CABIN1: variants seen among roughly 807,000 people sequenced by gnomAD.
CABIN1 encodes the protein calcineurin-binding protein cabin-1.
CABIN1 carries 133 observed loss-of-function variants against 227.7 expected under a neutral mutation model. The observed-to-expected ratio is 0.58, with a 90% CI of 0.51 to 0.67. CABIN1 has a LOEUF of 0.67. Among genes scored for constraint, CABIN1 ranks in the 30% least tolerant of loss-of-function variants. CABIN1 has a pLI of 0.00. For synonymous variants in CABIN1, 1,086 were observed against 1,155.1 expected (o/e 0.94, Z 1.21); for missense variants, 2,408 against 2,852.5 (o/e 0.84, Z 3.55).
At chr22:24,122,430 G>A (rs1338572138) in intron 28 of CABIN1, among the ~76,000 whole-genome samples, 1 of 152,000 alleles carries the variant, frequency 6.6e-6, no homozygotes, top group African/African-American at 2.4e-5. Context: ...CAATGAGGCT[G>A]GGCACGGTGG....
chr22:24,097,949 A>T, intron 25 of CABIN1, 65 bp from the exon 26 acceptor site: 1 of 1,597,708 alleles, frequency 6.3e-7, no homozygotes, highest in Non-Finnish European at 8.6e-7. Context: ...CACCCTTACC[A>T]GTACACATCT....
Position 24,177,604 on chromosome 22 carries a change from G to T in CABIN1, c.6306G>T (p.Lys2102Asn). 1 of 1,611,136 alleles carries T rather than the reference G, an allele frequency of 6.2e-7. No homozygotes were observed. Among genetic ancestry groups the T allele is most frequent in the Non-Finnish European group, 8.5e-7 (1 of 1,178,150 alleles). The change falls in exon 36 of 37, where the codon AAG (lysine) becomes AAT (asparagine). Residue 2102 changes from lysine (K) to asparagine (N), a missense_variant. Around this residue, in one of 3 missense-constraint regions of CABIN1, gnomAD observed 714 missense variants for 773.8 expected, o/e 0.92. Transcript: ENST00000263119. This position sits in a 1 kb window ranked among gnomAD's most constrained non-coding sequence, Gnocchi z 4.4. The part of the protein sequence containing the change: ...LSSPPTAASS[K>N]APSSGSAQPP... ...CTCCCCCAACAGCTGCCAGCTCCAA[G>T]GCCCCCAGCAGTGGGAGTGCCCAGC...
chr22:24,151,568 A>G (rs983451232), intron 29 of CABIN1, among the ~76,000 whole-genome samples: 1 of 152,128 alleles, frequency 6.6e-6, no homozygotes, highest in Non-Finnish European at 1.5e-5. Flanking sequence ...GGGCTATTCT[A>G]GAAGCCTGGG....
intron 1 of CABIN1, among the ~76,000 whole-genome samples, chr22:24,018,014 C>T (rs1343886597): frequency 6.6e-6 from 1 of 152,078 alleles, no homozygotes; most frequent in Non-Finnish European, 1.5e-5. Flanking sequence ...CCACCATGCC[C>T]TGGCTAATTT....
intron 13 of CABIN1, among the ~76,000 whole-genome samples, chr22:24,062,493 G>A (rs750086113): frequency 7.2e-5 from 11 of 151,934 alleles, no homozygotes; most frequent in Non-Finnish European, 1.6e-4. Flanking sequence ...GAGGAGCTGG[G>A]ACTACAGGCG....
intron 28 of CABIN1, among the ~76,000 whole-genome samples, chr22:24,120,273 C>T (rs2043332619): frequency 6.6e-6 from 1 of 152,218 alleles, no homozygotes; most frequent in Non-Finnish European, 1.5e-5. Flanking sequence ...TGACAGCCTC[C>T]TCCAGCTCTT....
intron 7 of CABIN1, among the ~76,000 whole-genome samples, chr22:24,050,078 C>T (rs1225533926): frequency 1.3e-5 from 2 of 152,196 alleles, no homozygotes; most frequent in Non-Finnish European, 1.5e-5. Flanking sequence ...TCCTTTTGCC[C>T]TCTGGTCTTC....
At chr22:24,081,101 A>G (rs1451234598) in intron 19 of CABIN1, among the ~76,000 whole-genome samples, 1 of 152,232 alleles carries the variant, frequency 6.6e-6, no homozygotes, top group Non-Finnish European at 1.5e-5. Context: ...CTTTGTTCCA[A>G]CAAAACTTGT....
At position 24,042,917 on chromosome 22, in the gene CABIN1, A is replaced by C; in HGVS notation, c.359A>C (p.Asp120Ala). The change falls in exon 6 of 37, where the codon GAC becomes GCC. Residue 120 changes from aspartate (D) to alanine (A), a missense_variant. Physicochemically the swap from Asp to Ala is moderately radical, Grantham distance 126 (BLOSUM62 -2). Coordinates refer to ENST00000263119, the MANE Select transcript of CABIN1 (RefSeq NM_012295.4). ...MEFYLEAVML[D>A]STDVNLWYKI... Reference sequence around the variant, plus strand: ...TGTCGCTTCCAGGCAGTGATGCTGGACTCCACAGATGTCAACCTCTGGTAT... The same window carrying C: ...TGTCGCTTCCAGGCAGTGATGCTGGCCTCCACAGATGTCAACCTCTGGTAT... 1 of 1,585,096 alleles carries C rather than the reference A, an allele frequency of 6.3e-7. No homozygotes were observed.
intron 29 of CABIN1, among the ~76,000 whole-genome samples, chr22:24,160,144 G>A (rs2046066571): frequency 6.6e-6 from 1 of 152,142 alleles, no homozygotes; most frequent in South Asian, 2.1e-4. Flanking sequence ...TGGAAAATGA[G>A]GGGTGAGTTG....
intron 31 of CABIN1, among the ~76,000 whole-genome samples, chr22:24,165,858 A>G (rs1161819111): frequency 6.6e-6 from 1 of 152,216 alleles, no homozygotes; most frequent in Non-Finnish European, 1.5e-5. Context: ...AGTAAGAGCC[A>G]TAGTGACTCC....
In CABIN1 at chr22:24,118,230, G is replaced by A. The variant is rs541552062; in HGVS notation, c.4301-1137G>A. ...GGAGAGGCAAGGACACTGAGGGAGA[G>A]CAGTGGGGTGGGCTGCAGGGGAGCA... is the stretch of plus-strand genomic sequence containing the variant. On this transcript the variant is annotated intron_variant, in intron 27 of 36. Coordinates refer to ENST00000263119, the MANE Select transcript of CABIN1 (RefSeq NM_012295.4). 2.0e-5 allele frequency among the ~76,000 whole-genome samples: 3 copies of A among 152,240 alleles called. No individual in the cohort carries two copies. The East Asian group carries it at 5.8e-4, about 29-fold the overall frequency.
chr22:24,031,048 G>T (rs1015041515), intron 1 of CABIN1, among the ~76,000 whole-genome samples: 1 of 152,216 alleles, frequency 6.6e-6, no homozygotes, highest in East Asian at 1.9e-4. Context: ...CATGATGGCT[G>T]TATTGATGTT....
At chr22:24,043,167 C>A in intron 6 of CABIN1, 83 bp downstream of exon 6, 1 of 1,250,590 alleles carries the variant, frequency 8.0e-7, no homozygotes, top group Non-Finnish European at 1.2e-6. Context: ...AAACTGAAAG[C>A]CAAAGTTAAC....
chr22:24,028,276 C>T (rs1265137023), intron 1 of CABIN1, among the ~76,000 whole-genome samples: 1 of 152,190 alleles, frequency 6.6e-6, no homozygotes, highest in Non-Finnish European at 1.5e-5. Context: ...TAATCAAAAA[C>T]ACAGTACCTG....
chr22:24,071,708 T>G (rs2040098705), intron 17 of CABIN1, among the ~76,000 whole-genome samples: 1 of 152,198 alleles, frequency 6.6e-6, no homozygotes, highest in Non-Finnish European at 1.5e-5. Flanking sequence ...AAAACAGATA[T>G]GAATGTGCTT....
chr22:24,119,620 G>A lies in CABIN1; in HGVS notation c.4554G>A (p.Leu1518=). Residue 1518 remains leucine (L), a synonymous_variant, in exon 28 of 37, where the codon CTG becomes CTA. Transcript: ENST00000263119. The part of the protein sequence containing the change: ...LTEQCIASFR[L]CLSRFPQHYK... Reference sequence around the variant, plus strand: ...AGCAGTGCATCGCCTCCTTCCGCCTGTGCCTGAGCCGCTTCCCCCAGCACT... The same window carrying A: ...AGCAGTGCATCGCCTCCTTCCGCCTATGCCTGAGCCGCTTCCCCCAGCACT... 1.9e-6 allele frequency: 3 copies of A among 1,613,844 alleles called. No individual in the cohort carries two copies. Among genetic ancestry groups the A allele is most frequent in the Non-Finnish European group, 2.5e-6 (3 of 1,179,940 alleles).
intron 29 of CABIN1, among the ~76,000 whole-genome samples, chr22:24,151,848 C>T (rs2045503495): frequency 6.6e-6 from 1 of 152,216 alleles, no homozygotes; most frequent in South Asian, 2.1e-4. Context: ...CCTCATTCTC[C>T]TGTCTGTCCT....
intron 32 of CABIN1, 33 bp downstream of exon 32, chr22:24,167,346 T>G (rs376514124): frequency 1.2e-5 from 19 of 1,590,322 alleles, no homozygotes; most frequent in Middle Eastern, 1.7e-4. Flanking sequence ...GGGGCACTAG[T>G]CTGCTGGCAG....
Sources: gnomAD v4.1 joint callset for allele counts (sites outside exome capture counted in the v4.1 genomes callset) on GRCh38, gnomAD v4.1.1 for gene constraint, gnomAD v4.1.1 regional missense constraint, Gnocchi (gnomAD v3.1) non-coding constraint, MANE v1.5 for transcripts, NCBI Gene and HGNC (gene_info 2026-07-23, HGNC 2026-07-21) for gene names.